TAF4B: variants seen among roughly 807,000 people sequenced by gnomAD.
TAF4B encodes TATA-box binding protein associated factor 4b.
In TAF4B, 38 loss-of-function variants were observed where a neutral mutation model predicts 86.4. The observed-to-expected ratio is 0.44, with a 90% CI of 0.34 to 0.58. The LOEUF is 0.58. Ranked by LOEUF, TAF4B falls within the 20% of genes least tolerant of loss-of-function variation. The pLI is 0.02. For synonymous variants in TAF4B, 388 were observed against 391.2 expected, an observed-to-expected ratio of 0.99 and a Z score of 0.10; for missense variants, 988 against 1,027.6, an observed-to-expected ratio of 0.96 and a Z score of 0.53.
Position 26,292,340 on chromosome 18 carries a change from T to A in TAF4B, c.1685T>A (p.Met562Lys). The A allele has an allele frequency of 6.2e-7, 1 of 1,614,192 alleles. No individual in the cohort carries two copies. Among genetic ancestry groups the A allele is most frequent in the Non-Finnish European group, 8.5e-7 (1 of 1,180,020 alleles). ...LTIQKCGQKT[M>K]PVNTIIPTSQ... ...ATTCAGAAATGTGGACAGAAGACGA[T>A]GCCAGTGAACACCATAATACCTACT... is the stretch of plus-strand genomic sequence containing the variant. Residue 562 changes from methionine (M) to lysine (K), a missense_variant, in exon 8 of 15, where the codon ATG (methionine) becomes AAG (lysine). Coordinates refer to ENST00000269142, the MANE Select transcript of TAF4B (RefSeq NM_005640.3).
At chr18:26,305,767 A>G (rs993612858) in intron 9 of TAF4B, among the ~76,000 whole-genome samples, 5 of 152,070 alleles carry the variant, frequency 3.3e-5, no homozygotes, top group Non-Finnish European at 5.9e-5. Context: ...TCCTTTTTCT[A>G]TATTCCTTTT....
intron 14 of TAF4B, among the ~76,000 whole-genome samples, chr18:26,384,311 G>A (rs957463883): frequency 5.9e-5 from 9 of 152,260 alleles, no homozygotes; most frequent in Middle Eastern, 3.4e-3. Flanking sequence ...TTTATTAGTC[G>A]TAGGATTCAG....
intron 1 of TAF4B, among the ~76,000 whole-genome samples, chr18:26,253,545 A>C (rs1231942269): frequency 6.6e-6 from 1 of 152,112 alleles, no homozygotes; most frequent in Non-Finnish European, 1.5e-5. Flanking sequence ...TTTTCTTGTG[A>C]TGTCCTTGTC....
chr18:26,244,611 A>G (rs2055894108), intron 1 of TAF4B, among the ~76,000 whole-genome samples: 1 of 152,160 alleles, frequency 6.6e-6, no homozygotes, highest in Non-Finnish European at 1.5e-5. Flanking sequence ...TGAACCCAGT[A>G]CCTCAGTTGG....
intron 14 of TAF4B, among the ~76,000 whole-genome samples, chr18:26,371,399 A>G (rs1050742528): frequency 1.3e-5 from 2 of 152,180 alleles, no homozygotes; most frequent in Admixed American, 1.3e-4. Flanking sequence ...GGGGAGCCTC[A>G]CCACCCTTCA....
At chr18:26,369,245 A>G (rs8090834) in intron 14 of TAF4B, among the ~76,000 whole-genome samples, 64,154 of 152,018 alleles carry the variant, frequency 0.42, 14,384 homozygotes, top group African/African-American at 0.55. Context: ...AAGAAAGGAA[A>G]TGGAATATTT....
chr18:26,272,399 C>T (rs116674374), intron 3 of TAF4B, among the ~76,000 whole-genome samples: 276 of 152,220 alleles, frequency 1.8e-3, no homozygotes, highest in Middle Eastern at 6.8e-3. Context: ...TATACCCGCC[C>T]GCGGCACAGG....
chr18:26,366,732 T>TGTTA (rs2057374046), intron 14 of TAF4B, among the ~76,000 whole-genome samples: 1 of 152,248 alleles, frequency 6.6e-6, no homozygotes, highest in Non-Finnish European at 1.5e-5. Context: ...TCCATGCATA[T>TGTTA]GTTAGGTTAA....
At chr18:26,227,649 TATGAATGA>T (rs1264049929) in intron 1 of TAF4B, among the ~76,000 whole-genome samples, 1 of 152,254 alleles carries the variant, frequency 6.6e-6, no homozygotes, top group African/African-American at 2.4e-5. Context: ...TTTTATTAAT[TATGAATGA>T]ATGAATGAAC....
chr18:26,233,700 C>T (rs2055706225), intron 1 of TAF4B, among the ~76,000 whole-genome samples: 1 of 152,164 alleles, frequency 6.6e-6, no homozygotes, highest in African/African-American at 2.4e-5. Flanking sequence ...TGAATTAGGA[C>T]TTAAACCACT....
intron 10 of TAF4B, among the ~76,000 whole-genome samples, chr18:26,316,971 G>A (rs1266630482): frequency 6.6e-6 from 1 of 151,420 alleles, no homozygotes; most frequent in Admixed American, 6.6e-5. Context: ...TAATTATCTA[G>A]TGCTTTGGTA....
chr18:26,331,219 A>G (rs193063627), intron 12 of TAF4B, among the ~76,000 whole-genome samples: 1 of 136,628 alleles, frequency 7.3e-6, no homozygotes, highest in African/African-American at 2.4e-5. Context: ...GAGGTGGTTT[A>G]TTGGTATTTT....
chr18:26,380,694 T>A (rs2057472230), intron 14 of TAF4B, among the ~76,000 whole-genome samples: 1 of 152,218 alleles, frequency 6.6e-6, no homozygotes, highest in East Asian at 1.9e-4. Context: ...TTTCTCACCC[T>A]TAGTATTTAC....
At chr18:26,242,078 A>C (rs1010588421) in intron 1 of TAF4B, among the ~76,000 whole-genome samples, 1 of 152,074 alleles carries the variant, frequency 6.6e-6, no homozygotes, top group African/African-American at 2.4e-5. Context: ...TGGGGTGGAG[A>C]GTTCTGTAGA....
chr18:26,254,597 C>T (rs1224920497), intron 1 of TAF4B, among the ~76,000 whole-genome samples: 2 of 152,128 alleles, frequency 1.3e-5, no homozygotes, highest in Non-Finnish European at 2.9e-5. Context: ...AAGCATTAAC[C>T]TTTGTTTTGT....
chr18:26,266,658 G>C (rs995942835), intron 2 of TAF4B: 1 of 151,798 alleles, frequency 6.6e-6, no homozygotes, highest in Non-Finnish European at 1.5e-5. Context: ...TCAGGAGATC[G>C]AGACCATCCT....
At chr18:26,234,097 G>A (rs1289333440) in intron 1 of TAF4B, among the ~76,000 whole-genome samples, 2 of 151,758 alleles carry the variant, frequency 1.3e-5, no homozygotes, top group Non-Finnish European at 2.9e-5. Flanking sequence ...ACCCCGAGGG[G>A]AGAAAAATAT....
At chr18:26,265,655 G>A (rs1477876458) in intron 2 of TAF4B, among the ~76,000 whole-genome samples, 5 of 152,134 alleles carry the variant, frequency 3.3e-5, no homozygotes, top group African/African-American at 7.2e-5. Flanking sequence ...TCAAGCTCCC[G>A]AGCTCAGATA....
chr18:26,296,534 G>T (rs542763376), intron 9 of TAF4B, among the ~76,000 whole-genome samples: 49 of 152,148 alleles, frequency 3.2e-4, no homozygotes, highest in African/African-American at 1.2e-3. Context: ...GTTTGCATGG[G>T]ATTTGTTTTT....
Sources: allele counts gnomAD v4.1 joint callset (sites outside exome capture counted in the v4.1 genomes callset), GRCh38; gene constraint gnomAD v4.1.1; transcripts MANE v1.5; gene names NCBI Gene and HGNC (gene_info 2026-07-23, HGNC 2026-07-21).